Variants in ANO2 observed in about 807,000 individuals in gnomAD.
ANO2 encodes anoctamin-2.
Under a neutral mutation model 124.2 loss-of-function variants are expected in ANO2, and 101 were observed. That is an observed-to-expected ratio of 0.81 (90% confidence interval 0.69 to 0.96). The LOEUF is 0.96. ANO2 is among the 40% of genes least tolerant of loss of function. The probability of loss-of-function intolerance (pLI) is 0.00; values close to 1 mark genes in which losing one functional copy is unlikely to be tolerated. For synonymous variants in ANO2, 486 were observed against 482.5 expected, an observed-to-expected ratio of 1.01 and a Z score of -0.09; for missense variants, 1,293 against 1,274.5, an observed-to-expected ratio of 1.01 and a Z score of -0.22.
intron 20 of ANO2, among the ~76,000 whole-genome samples, chr12:5,595,373 T>TC (rs1943609693): frequency 6.6e-6 from 1 of 151,128 alleles, no homozygotes; most frequent in Non-Finnish European, 1.5e-5. Flanking sequence ...ACTGTTTTTT[T>TC]TTCTTTTCTT....
chr12:5,889,516 C>G (rs1164814115), intron 3 of ANO2, among the ~76,000 whole-genome samples: 3 of 152,258 alleles, frequency 2.0e-5, no homozygotes, highest in African/African-American at 7.2e-5. Context: ...TAATAAGTGT[C>G]CAGGAGCGCA....
chr12:5,921,277 G>T lies in ANO2; in HGVS notation c.297C>A (p.Val99=). 1.2e-6 allele frequency: 2 copies of T among 1,613,940 alleles called. No individual in the cohort carries two copies. Among genetic ancestry groups the T allele is most frequent in the Non-Finnish European group, 1.7e-6 (2 of 1,179,884 alleles). Residue 99 remains valine (V), a synonymous_variant, in exon 3 of 25, where the codon GTC becomes GTA. Transcript: ENST00000682330. ...GGTAGTGGTAGGCAAGTACATAGTCGACCTTCCTCTGACTGTCATGGAAGT... is the reference window on the plus strand; with the variant it reads ...GGTAGTGGTAGGCAAGTACATAGTCTACCTTCCTCTGACTGTCATGGAAGT... ...RMHFHDSQRK[V]DYVLAYHYRK... is the part of the protein sequence containing the mutation.
At chr12:5,814,347 A>G (rs1331256691) in intron 7 of ANO2, among the ~76,000 whole-genome samples, 1 of 152,220 alleles carries the variant, frequency 6.6e-6, no homozygotes, top group Non-Finnish European at 1.5e-5. Context: ...TTGGGACCCT[A>G]ACTGGTTATC....
intron 7 of ANO2, among the ~76,000 whole-genome samples, chr12:5,822,880 G>A (rs530569685): frequency 7.9e-5 from 12 of 152,166 alleles, no homozygotes; most frequent in African/African-American, 2.4e-4. Flanking sequence ...AATCATGGAG[G>A]GAGGCACTTC....
chr12:5,697,944 A>G (rs907795346), intron 14 of ANO2, among the ~76,000 whole-genome samples: 2 of 152,202 alleles, frequency 1.3e-5, no homozygotes, highest in Non-Finnish European at 2.9e-5. Context: ...GAGTAGGTAA[A>G]CAAAGCAGCC....
chr12:5,755,442 C>T (rs1365062268), intron 10 of ANO2, among the ~76,000 whole-genome samples: 1 of 150,906 alleles, frequency 6.6e-6, no homozygotes, highest in Non-Finnish European at 1.5e-5. Flanking sequence ...TTCTAGGGTA[C>T]ATGTGCACAA....
chr12:5,773,657 A>C (rs1952147383), intron 10 of ANO2, among the ~76,000 whole-genome samples: 1 of 152,246 alleles, frequency 6.6e-6, no homozygotes, highest in African/African-American at 2.4e-5. Context: ...TTAAGAATTC[A>C]AAAAGTAATC....
chr12:5,633,818 C>T (rs568075943), intron 16 of ANO2, among the ~76,000 whole-genome samples: 6 of 152,294 alleles, frequency 3.9e-5, no homozygotes, highest in Admixed American at 2.6e-4. Context: ...TCCTGCATGC[C>T]TTTCCTGACC....
rs552180052 is a variant in ANO2 at position 5,657,599 on chromosome 12, G to A, written c.1546-9798C>T. 2.6e-5 allele frequency among the ~76,000 whole-genome samples: 4 copies of A among 151,834 alleles called. No homozygotes were observed. In the South Asian group the frequency reaches 6.3e-4, roughly 24 times the overall value. On this transcript the variant is annotated intron_variant, in intron 14 of 24. Coordinates refer to ENST00000682330, the MANE Select transcript of ANO2 (RefSeq NM_001364791.2). ...GGGCCCTTGGGACATTGTCAGAGAT[G>A]AGAATCAAGGAAAACCCAGGTGCTC...
At chr12:5,587,899 T>C (rs1280880065) in intron 20 of ANO2, among the ~76,000 whole-genome samples, 1 of 151,904 alleles carries the variant, frequency 6.6e-6, no homozygotes, top group African/African-American at 2.4e-5. Flanking sequence ...CCAGCCCAGG[T>C]TCCAGTTCAA....
At chr12:5,939,346 T>G (rs1452174260) in intron 1 of ANO2, among the ~76,000 whole-genome samples, 1 of 152,138 alleles carries the variant, frequency 6.6e-6, no homozygotes, top group Non-Finnish European at 1.5e-5. Context: ...CTGCTCTTCT[T>G]TTCAACATTT....
chr12:5,883,670 G>A (rs940262572), intron 3 of ANO2, among the ~76,000 whole-genome samples: 1 of 152,090 alleles, frequency 6.6e-6, no homozygotes, highest in African/African-American at 2.4e-5. Context: ...TTCACTTCAA[G>A]TCCCTGCTCC....
rs114280640 is a variant in ANO2, at chr12:5,896,714, C to T, written c.534+24326G>A. On this transcript the variant is annotated intron_variant, in intron 3 of 24. Coordinates refer to ENST00000682330, the MANE Select transcript of ANO2 (RefSeq NM_001364791.2). ...TTCCTCATGAAGGAGAGAAATAATT[C>T]TCCCTATTAATGATTTTTGGCAACT... Among the ~76,000 whole-genome samples the T allele has an allele frequency of 5.4e-3, 825 of 152,204 alleles. 6 individuals are homozygous for T. The highest frequency in any genetic ancestry group is 0.019 in the African/African-American group (801 of 41,512).
intron 4 of ANO2, among the ~76,000 whole-genome samples, chr12:5,842,605 G>A (rs929922616): frequency 6.6e-6 from 1 of 152,152 alleles, no homozygotes; most frequent in Non-Finnish European, 1.5e-5. Flanking sequence ...TCACTCTTTC[G>A]TTCGCTACCA....
chr12:5,805,990 T>G (rs1953177973), intron 9 of ANO2, 62 bp downstream of exon 9: 2 of 1,552,836 alleles, frequency 1.3e-6, no homozygotes, highest in Non-Finnish European at 1.8e-6. Flanking sequence ...TTCTAGCCAC[T>G]TCCACACCCA....
chr12:5,874,491 G>C (rs1937953979), intron 3 of ANO2, among the ~76,000 whole-genome samples: 1 of 152,144 alleles, frequency 6.6e-6, no homozygotes, highest in Non-Finnish European at 1.5e-5. Context: ...CACCTCAACA[G>C]GGCCTCAAAT....
intron 15 of ANO2, among the ~76,000 whole-genome samples, chr12:5,646,731 A>G (rs183364351): frequency 1.6e-3 from 239 of 152,342 alleles, no homozygotes; most frequent in Middle Eastern, 6.8e-3. Flanking sequence ...GAAGAAAACA[A>G]ATTTAGACTT....
intron 14 of ANO2, among the ~76,000 whole-genome samples, chr12:5,705,772 G>C (rs1347275321): frequency 6.6e-6 from 1 of 152,168 alleles, no homozygotes; most frequent in Non-Finnish European, 1.5e-5. Flanking sequence ...CTCTAGTCCA[G>C]CCTTCAGCAG....
At position 5,922,388 on chromosome 12, in the gene ANO2, G is replaced by A. The variant is rs556058282; in HGVS notation, c.207+232C>T. ...GGCCTGCAGACCAACTGGCAGCATC[G>A]ACTGGCCTCCCACGCCTCCTCCTTT... On this transcript the variant is annotated intron_variant, in intron 2 of 24. Transcript: ENST00000682330. 1.1e-4 allele frequency among the ~76,000 whole-genome samples: 16 copies of A among 152,284 alleles called. No individual in the cohort carries two copies. The East Asian group carries it at 2.1e-3, about 20-fold the overall frequency.
Sources: gnomAD v4.1 joint callset for allele counts (sites outside exome capture counted in the v4.1 genomes callset) on GRCh38, gnomAD v4.1.1 for gene constraint, MANE v1.5 for transcripts, NCBI Gene and HGNC (gene_info 2026-07-23, HGNC 2026-07-21) for gene names.